The following ZNF19 variants were observed in gnomAD, a reference collection of about 807,000 sequenced individuals.
ZNF19 encodes the protein zinc finger protein 19 (KOX 12).
ZNF19 carries 11 observed loss-of-function variants against 13.1 expected under a neutral mutation model. The observed-to-expected ratio is 0.84, with a 90% CI of 0.53 to 1.39. ZNF19 has a LOEUF of 1.39. Ranked by LOEUF, ZNF19 falls within the 40% of genes most tolerant of loss-of-function variation. The probability of loss-of-function intolerance (pLI) is 0.00; values close to 1 mark genes in which losing one functional copy is unlikely to be tolerated. For synonymous variants in ZNF19, 186 were observed against 187.0 expected (o/e 0.99, Z 0.04); for missense variants, 560 against 547.0 (o/e 1.02, Z -0.24).
At chr16:71,478,531 G>C in intron 4 of ZNF19, 190 bp from the exon 5 acceptor site, 1 of 699,664 alleles carries the variant, frequency 1.4e-6, no homozygotes, top group Non-Finnish European at 2.6e-6. Flanking sequence ...TCAAGGATAA[G>C]TAAGTCAGTG....
At chr16:71,483,030 A>G (rs1198612424) in intron 2 of ZNF19, among the ~76,000 whole-genome samples, 1 of 152,248 alleles carries the variant, frequency 6.6e-6, no homozygotes, top group African/African-American at 2.4e-5. Context: ...ATTCTTTCCA[A>G]TAGTAATCCT....
At position 71,475,627 on chromosome 16, in the gene ZNF19, C is replaced by G; in HGVS notation, c.920G>C (p.Gly307Ala). 6.2e-7 allele frequency: 1 copy of G among 1,613,736 alleles called. No homozygotes were observed. Among genetic ancestry groups the G allele is most frequent in the Non-Finnish European group, 8.5e-7 (1 of 1,179,946 alleles). ...GEKPYECNECGKSFGRTSHLS... is the reference protein window; with the variant it reads ...GEKPYECNECAKSFGRTSHLS... ...ATGGGAAGTCCTTCCAAAGCTTTTG[C>G]CACACTCATTACACTCATAGGGTTT... is the stretch of plus-strand genomic sequence containing the variant. The change falls in exon 6 of 6, where the codon GGC (glycine) becomes GCC (alanine). Residue 307 changes from glycine to alanine, a missense_variant. Coordinates refer to ENST00000288177, the MANE Select transcript of ZNF19 (RefSeq NM_006961.4).
chr16:71,477,666 C>T (rs1361192151), intron 5 of ZNF19, among the ~76,000 whole-genome samples: 3 of 152,140 alleles, frequency 2.0e-5, no homozygotes, highest in Admixed American at 2.0e-4. Context: ...ATGGCCTGCT[C>T]TAGCCATCCA....
At chr16:71,485,252 C>T (rs1597016598) in intron 1 of ZNF19, among the ~76,000 whole-genome samples, 3 of 152,084 alleles carry the variant, frequency 2.0e-5, no homozygotes. Flanking sequence ...GAGTTCGAGA[C>T]CAGCCTGGTC....
At chr16:71,480,654 T>C (rs2043631377) in intron 3 of ZNF19, among the ~76,000 whole-genome samples, 1 of 152,244 alleles carries the variant, frequency 6.6e-6, no homozygotes, top group Non-Finnish European at 1.5e-5. Context: ...TGTCCCACAC[T>C]GAATCTATCC....
intron 5 of ZNF19, among the ~76,000 whole-genome samples, chr16:71,476,816 T>C (rs2043605714): frequency 6.6e-6 from 1 of 152,068 alleles, no homozygotes; most frequent in Admixed American, 6.6e-5. Context: ...GCTTAGAGAG[T>C]ATTATTCCCA....
intron 2 of ZNF19, among the ~76,000 whole-genome samples, chr16:71,483,676 C>A (rs2043653819): frequency 6.6e-6 from 1 of 152,190 alleles, no homozygotes; most frequent in Non-Finnish European, 1.5e-5. Flanking sequence ...TACTCCTTTT[C>A]CTATATACCA....
intron 3 of ZNF19, among the ~76,000 whole-genome samples, chr16:71,481,784 C>G (rs1478770735): frequency 2.0e-5 from 3 of 152,200 alleles, no homozygotes; most frequent in Non-Finnish European, 4.4e-5. Context: ...CATCACCAGC[C>G]TGAGTCCCTC....
Position 71,475,434 on chromosome 16 carries a change from T to C in ZNF19, c.1113A>G (p.Gln371=), listed in dbSNP as rs1316582244. ...TATGAATTCTCAGATGCCTTTTTAA[T>C]TGTTCCTGAGCACTGAAGGCTTTTC... The part of the protein sequence containing the change: ...DCGKAFSAQE[Q]LKRHLRIHTQ... Residue 371 remains glutamine (Q), a synonymous_variant, in exon 6 of 6, where the codon CAA becomes CAG. Coordinates refer to ENST00000288177, the MANE Select transcript of ZNF19 (RefSeq NM_006961.4). 1.2e-6 allele frequency: 2 copies of C among 1,614,058 alleles called. No homozygotes were observed. The highest frequency in any genetic ancestry group is 1.7e-6 in the Non-Finnish European group (2 of 1,180,020).
chr16:71,478,453 G>A (rs1324068653), intron 4 of ZNF19, 112 bp from the exon 5 acceptor site: 1 of 787,222 alleles, frequency 1.3e-6, no homozygotes, highest in Non-Finnish European at 2.2e-6. Context: ...GTTCTCGACT[G>A]GAGAAGGCCA....
At position 71,475,121 on chromosome 16, in the gene ZNF19, C is replaced by T. The variant is rs1267049072; in HGVS notation, c.*49G>A. 8.6e-6 allele frequency: 13 copies of T among 1,504,440 alleles called. No homozygotes were observed. The highest frequency in any genetic ancestry group is 1.7e-4 in the Middle Eastern group (1 of 5,770). The allele number at this position is 1,504,440 out of a possible 1,614,324, so 93.2% of individuals were successfully genotyped here. On this transcript the variant is annotated 3_prime_UTR_variant, in exon 6 of 6. Coordinates refer to ENST00000288177, the MANE Select transcript of ZNF19 (RefSeq NM_006961.4). ...TCAGGCCTGTGTCACACATTCCATT[C>T]CTGAGTAGAAGACGGAATCCACTCA...
At chr16:71,485,475 A>C (rs1357228864) in intron 1 of ZNF19, among the ~76,000 whole-genome samples, 1 of 123,442 alleles carries the variant, frequency 8.1e-6, no homozygotes, top group Non-Finnish European at 1.5e-5. Context: ...CCAAAAAAAC[A>C]AAAAAAAACA....
At chr16:71,479,608 A>C (rs530714880) in intron 3 of ZNF19, among the ~76,000 whole-genome samples, 1 of 152,152 alleles carries the variant, frequency 6.6e-6, no homozygotes, top group Non-Finnish European at 1.5e-5. Flanking sequence ...CTCCTGGCAC[A>C]ATCCACTCTG....
intron 3 of ZNF19, 81 bp from the exon 4 acceptor site, chr16:71,479,086 A>G: frequency 6.2e-7 from 1 of 1,604,028 alleles, no homozygotes; most frequent in Non-Finnish European, 8.5e-7. Context: ...ACAGGTAGGG[A>G]CTTGAGGGAA....
chr16:71,478,575 G>A, intron 4 of ZNF19: 3 of 684,550 alleles, frequency 4.4e-6, no homozygotes, highest in Non-Finnish European at 8.0e-6. Context: ...ACAGGGAAGG[G>A]GACATGCCCT....
At chr16:71,489,190 C>A in intron 1 of ZNF19, 82 bp downstream of exon 1, 1 of 959,350 alleles carries the variant, frequency 1.0e-6, no homozygotes, top group Non-Finnish European at 1.2e-6. Flanking sequence ...TTGAGCTGCG[C>A]TCAAAGGACC....
chr16:71,475,682 G>A lies in ZNF19; in HGVS notation c.865C>T (p.Leu289Phe). The A allele has an allele frequency of 6.2e-7, 1 of 1,612,232 alleles. No individual in the cohort carries two copies. The highest frequency in any genetic ancestry group is 8.5e-7 in the Non-Finnish European group (1 of 1,178,824). ...CCAGTGTGGATTTTCTGATGCCGAA[G>A]TAGGGGTGAATTACCAACAAAAGCT... ...GKAFVGNSPL[L>F]RHQKIHTGEK... The change falls in exon 6 of 6, where the codon CTT (leucine) becomes TTT (phenylalanine). Residue 289 changes from leucine to phenylalanine, a missense_variant. Leu to Phe is a conservative substitution (Grantham distance 22, BLOSUM62 0). Coordinates refer to ENST00000288177, the MANE Select transcript of ZNF19 (RefSeq NM_006961.4).
chr16:71,481,809 C>G (rs1198053064), intron 3 of ZNF19, among the ~76,000 whole-genome samples: 1 of 152,156 alleles, frequency 6.6e-6, no homozygotes. Flanking sequence ...TCACAATTCC[C>G]TCTGCAGAGG....
chr16:71,476,122 G>C lies in ZNF19; in HGVS notation c.425C>G (p.Pro142Arg). The C allele has an allele frequency of 6.2e-7, 1 of 1,614,106 alleles. No individual in the cohort carries two copies. Among genetic ancestry groups the C allele is most frequent in the African/African-American group, 1.3e-5 (1 of 75,012 alleles). ...CTTTCCTTGGATATTTTTCACTGTG[G>C]GGATGTCCTGGTGCTTTTCCACATT... ...TRNVEKHQDI[P>R]TVKNIQGKVP... Residue 142 changes from proline to arginine, a missense_variant, in exon 6 of 6, where the codon CCC becomes CGC. Coordinates refer to ENST00000288177, the MANE Select transcript of ZNF19 (RefSeq NM_006961.4).
Sources: gnomAD v4.1 joint callset for allele counts (sites outside exome capture counted in the v4.1 genomes callset) on GRCh38, gnomAD v4.1.1 for gene constraint, MANE v1.5 for transcripts, NCBI Gene and HGNC (gene_info 2026-07-23, HGNC 2026-07-21) for gene names.